Variants in IPO5 observed in about 807,000 individuals in gnomAD.
IPO5 encodes the protein importin-5.
A neutral mutation model predicts 143.3 loss-of-function variants in IPO5; 18 were observed. The observed-to-expected ratio is 0.13, with a 90% CI of 0.09 to 0.19. IPO5 has a LOEUF of 0.19. IPO5 is among the 10% of genes least tolerant of loss of function. IPO5 has a pLI of 1.00. For missense variants in IPO5, 1,013 were observed against 1,336.9 expected (o/e 0.76, Z 3.78); for synonymous variants, 477 against 465.7 (o/e 1.02, Z -0.31).
chr13:97,993,332 C>T, intron 11 of IPO5, 107 bp downstream of exon 11: 1 of 912,176 alleles, frequency 1.1e-6, no homozygotes, highest in Non-Finnish European at 1.7e-6. Context: ...TAATGAATAT[C>T]CTTTTAGAAT....
intron 18 of IPO5, 108 bp downstream of exon 18, chr13:98,008,250 AC>A: frequency 4.7e-6 from 3 of 637,348 alleles, no homozygotes; most frequent in Non-Finnish European, 8.4e-6. Flanking sequence ...CATACTATCA[AC>A]CCCTGCTAGC....
intron 4 of IPO5, among the ~76,000 whole-genome samples, chr13:97,978,882 T>C (rs9556854): frequency 0.046 from 6,959 of 152,318 alleles, 450 homozygotes; most frequent in East Asian, 0.33. Context: ...ATTCAGCACA[T>C]TTTCTCATAA....
chr13:97,953,889 A>G (rs1292764029), intron 1 of IPO5, 173 bp downstream of exon 1: 1 of 456,172 alleles, frequency 2.2e-6, no homozygotes, highest in East Asian at 7.0e-5. Flanking sequence ...AGGAAACGTC[A>G]GAGACAATGA....
intron 2 of IPO5, among the ~76,000 whole-genome samples, chr13:97,954,575 G>A (rs1884337134): frequency 2.0e-5 from 3 of 152,136 alleles, no homozygotes; most frequent in Non-Finnish European, 4.4e-5. Context: ...GTAAATGAAG[G>A]AAAACAGAAT....
At chr13:97,964,377 G>A (rs1270254836) in intron 2 of IPO5, among the ~76,000 whole-genome samples, 1 of 150,384 alleles carries the variant, frequency 6.6e-6, no homozygotes, top group Non-Finnish European at 1.5e-5. Context: ...TGTATAAGGT[G>A]TAAGGAATGG....
chr13:98,013,374 TA>T (rs1817517165), intron 21 of IPO5, among the ~76,000 whole-genome samples: 1 of 152,148 alleles, frequency 6.6e-6, no homozygotes, highest in African/African-American at 2.4e-5. Flanking sequence ...CCGTAATTAA[TA>T]TTTTCCAGTA....
At chr13:97,961,992 G>A (rs748054627) in intron 2 of IPO5, among the ~76,000 whole-genome samples, 20 of 152,044 alleles carry the variant, frequency 1.3e-4, no homozygotes, top group African/African-American at 4.1e-4. Flanking sequence ...AGCTGGGCGT[G>A]GGGGCGCACA....
chr13:97,977,428 G>C (rs922848134), intron 4 of IPO5, among the ~76,000 whole-genome samples: 1 of 152,048 alleles, frequency 6.6e-6, no homozygotes, highest in African/African-American at 2.4e-5. Context: ...TTTCTATGCA[G>C]TTTCCACCTT....
rs1314190324 is a variant in IPO5, at chr13:97,953,698, G to A, written c.-211G>A. The A allele has an allele frequency of 8.0e-6, 2 of 248,530 alleles. No individual in the cohort carries two copies. The highest frequency in any genetic ancestry group is 1.2e-4 in the East Asian group (1 of 8,012). The allele number at this position is 248,530 out of a possible 1,614,324, so 15.4% of individuals were successfully genotyped here. Reference sequence around the variant, plus strand: ...ATGACCTCCCACAACTGGAGCAGCCGGGAACAGCTCTGACCACAGTAAGTC... The same window carrying A: ...ATGACCTCCCACAACTGGAGCAGCCAGGAACAGCTCTGACCACAGTAAGTC... On this transcript the variant is annotated 5_prime_UTR_variant, in exon 1 of 29. Transcript: ENST00000651721.
At position 98,011,277 on chromosome 13, in the gene IPO5, T is replaced by G. The variant is rs906401757; in HGVS notation, c.2056-969T>G. On this transcript the variant is annotated intron_variant, in intron 20 of 28. Transcript: ENST00000651721. ...GAAACAATTGGGTTTTTGGGGTTTT[T>G]TTTGTTTGTTTGTTTGTTTGTTTTG... Among the ~76,000 whole-genome samples the G allele has an allele frequency of 9.9e-5, 15 of 152,106 alleles. No individual in the cohort carries two copies. The East Asian group carries it at 1.2e-3, about 12-fold the overall frequency.
At chr13:98,010,560 A>C (rs1177223500) in intron 20 of IPO5, among the ~76,000 whole-genome samples, 1 of 152,148 alleles carries the variant, frequency 6.6e-6, no homozygotes, top group East Asian at 1.9e-4. Context: ...GTAGGTGGCC[A>C]TGGAATGTTT....
chr13:97,959,183 A>G (rs924980708), intron 2 of IPO5, among the ~76,000 whole-genome samples: 26 of 151,716 alleles, frequency 1.7e-4, no homozygotes, highest in South Asian at 8.3e-4. Flanking sequence ...AAAAAAAAAA[A>G]AGAGAGAGAA....
chr13:97,980,557 C>T (rs772054221), intron 4 of IPO5, among the ~76,000 whole-genome samples: 23 of 152,088 alleles, frequency 1.5e-4, no homozygotes, highest in Non-Finnish European at 2.8e-4. Context: ...TGGCTGGGCG[C>T]GGTGGCTCAT....
chr13:98,011,199 C>A (rs1175682984), intron 20 of IPO5, among the ~76,000 whole-genome samples: 6 of 152,016 alleles, frequency 3.9e-5, no homozygotes, highest in African/African-American at 1.5e-4. Context: ...AAAGCAAATA[C>A]AAATAATAAC....
At chr13:98,003,135 A>G (rs1393424630) in intron 16 of IPO5, 98 bp downstream of exon 16, 1 of 894,904 alleles carries the variant, frequency 1.1e-6, no homozygotes, top group Non-Finnish European at 1.7e-6. Flanking sequence ...CAGCATGACC[A>G]TAAAGAATAT....
intron 20 of IPO5, among the ~76,000 whole-genome samples, chr13:98,010,646 A>C (rs1889621372): frequency 6.6e-6 from 1 of 152,162 alleles, no homozygotes; most frequent in South Asian, 2.1e-4. Context: ...TTGTGTAAAA[A>C]AACAGATATG....
rs751568192 is a variant in IPO5, at chr13:97,993,121, G to A, written c.809G>A (p.Ser270Asn). ...TCTTTGTAGTTGTGTGGAGACACTA[G>A]CCTCAACAATATGCAACGCCAGCTT... ...QLSLKLCGDT[S>N]LNNMQRQLAL... The change falls in exon 11 of 29, where the codon AGC (serine) becomes AAC (asparagine). Residue 270 changes from serine to asparagine, a missense_variant. By Grantham distance (46) the Ser-to-Asn change is conservative. Around this residue, in one of 2 missense-constraint regions of IPO5, gnomAD observed 328 missense variants for 342.0 expected, o/e 0.96. Coordinates refer to ENST00000651721, the MANE Select transcript of IPO5 (RefSeq NM_002271.6). The A allele has an allele frequency of 1.2e-6, 2 of 1,614,066 alleles. No homozygotes were observed. The highest frequency in any genetic ancestry group is 1.1e-5 in the South Asian group (1 of 91,078).
At chr13:97,956,024 CTG>C (rs1172590401) in intron 2 of IPO5, among the ~76,000 whole-genome samples, 1 of 151,392 alleles carries the variant, frequency 6.6e-6, no homozygotes, top group Middle Eastern at 3.2e-3. Flanking sequence ...CCCAGCTACT[CTG>C]GAGGCTGAGG....
chr13:97,984,753 G>C (rs747937866), intron 5 of IPO5, among the ~76,000 whole-genome samples: 4 of 151,896 alleles, frequency 2.6e-5, no homozygotes, highest in Non-Finnish European at 1.5e-5. Flanking sequence ...GGAAAGATTA[G>C]GTTCAATATT....
Sources: allele counts gnomAD v4.1 joint callset (sites outside exome capture counted in the v4.1 genomes callset), GRCh38; gene constraint gnomAD v4.1.1; regional missense constraint gnomAD v4.1.1; transcripts MANE v1.5; gene names NCBI Gene and HGNC (gene_info 2026-07-23, HGNC 2026-07-21).